MAGI2: variants seen among roughly 807,000 people sequenced by gnomAD.
MAGI2 encodes the protein membrane associated guanylate kinase, WW and PDZ domain containing 2.
In MAGI2, 35 loss-of-function variants were observed where a neutral mutation model predicts 133.3. That is an observed-to-expected ratio of 0.26 (90% CI 0.20 to 0.35). The LOEUF (loss-of-function observed/expected upper bound fraction) is 0.35, where lower values mean the gene tolerates loss of function less well. MAGI2 is among the 10% of genes least tolerant of loss of function. The probability of loss-of-function intolerance (pLI) is 1.00; values close to 1 mark genes in which losing one functional copy is unlikely to be tolerated. For missense variants in MAGI2, 1,636 were observed against 1,863.4 expected (o/e 0.88, Z 2.25); for synonymous variants, 729 against 710.6 (o/e 1.03, Z -0.41).
intron 2 of MAGI2, among the ~76,000 whole-genome samples, chr7:78,987,463 C>T (rs1274304157): frequency 6.6e-6 from 1 of 152,004 alleles, no homozygotes; most frequent in East Asian, 1.9e-4. Flanking sequence ...AATTATCTTA[C>T]TTTGAAGGTT....
At chr7:79,085,859 A>G (rs1210912899) in intron 1 of MAGI2, among the ~76,000 whole-genome samples, 1 of 151,898 alleles carries the variant, frequency 6.6e-6, no homozygotes, top group African/African-American at 2.4e-5. Flanking sequence ...CTTTTTGTAT[A>G]AACTGTGCAC....
chr7:78,790,112 C>T (rs34482345), intron 2 of MAGI2, among the ~76,000 whole-genome samples: 3,336 of 152,080 alleles, frequency 0.022, 47 homozygotes, highest in Non-Finnish European at 0.032. Flanking sequence ...AATATTTTCA[C>T]TTGTCCAATA....
intron 1 of MAGI2, among the ~76,000 whole-genome samples, chr7:79,400,573 C>T (rs1845397971): frequency 6.6e-6 from 1 of 152,104 alleles, no homozygotes; most frequent in Non-Finnish European, 1.5e-5. Flanking sequence ...ATGCAAACTG[C>T]AATGATTAAT....
chr7:79,444,376 C>T (rs1452754829), intron 1 of MAGI2, among the ~76,000 whole-genome samples: 1 of 152,096 alleles, frequency 6.6e-6, no homozygotes, highest in Non-Finnish European at 1.5e-5. Flanking sequence ...GTCAAATTGT[C>T]CCTGTTTGCA....
intron 1 of MAGI2, among the ~76,000 whole-genome samples, chr7:79,028,277 G>GTATGTA (rs1554336439): frequency 3.3e-4 from 10 of 30,144 alleles, no homozygotes; most frequent in African/African-American, 9.6e-4. Flanking sequence ...ATGTATGTAT[G>GTATGTA]TATATATATA....
chr7:78,692,566 G>T (rs1242392641), intron 2 of MAGI2, among the ~76,000 whole-genome samples: 1 of 152,070 alleles, frequency 6.6e-6, no homozygotes, highest in African/African-American at 2.4e-5. Context: ...GAGAAGTCAG[G>T]GTTCTGGTTA....
chr7:78,732,793 T>A (rs1333440991), intron 2 of MAGI2, among the ~76,000 whole-genome samples: 1 of 107,954 alleles, frequency 9.3e-6, no homozygotes, highest in Admixed American at 9.6e-5. Context: ...TATTTGTGGA[T>A]TTTTTGTATT....
intron 1 of MAGI2, among the ~76,000 whole-genome samples, chr7:79,226,807 A>T (rs1830900449): frequency 1.3e-5 from 2 of 152,170 alleles, no homozygotes; most frequent in Non-Finnish European, 2.9e-5. Flanking sequence ...TATCTTTAAA[A>T]GATTACTTGA....
At chr7:78,630,536 C>A (rs1393621804) in intron 2 of MAGI2, among the ~76,000 whole-genome samples, 1 of 150,638 alleles carries the variant, frequency 6.6e-6, no homozygotes, top group Non-Finnish European at 1.5e-5. Flanking sequence ...CCTGCCTCAG[C>A]CCCTTGAGTA....
intron 9 of MAGI2, among the ~76,000 whole-genome samples, chr7:78,321,350 C>T (rs1454369113): frequency 3.9e-5 from 6 of 152,244 alleles, no homozygotes; most frequent in African/African-American, 9.6e-5. Flanking sequence ...GGAGGAATCA[C>T]GCTACCTGAC....
intron 1 of MAGI2, among the ~76,000 whole-genome samples, chr7:79,180,882 T>A (rs931851270): frequency 1.3e-5 from 2 of 151,828 alleles, no homozygotes; most frequent in Non-Finnish European, 2.9e-5. Flanking sequence ...ACAAAAGGGG[T>A]ACAGGCCCCA....
chr7:78,283,285 A>C (rs1372062351), intron 9 of MAGI2, among the ~76,000 whole-genome samples: 5 of 152,202 alleles, frequency 3.3e-5, no homozygotes, highest in Non-Finnish European at 7.4e-5. Flanking sequence ...TCTTCAATAA[A>C]GAATTTCGGA....
At chr7:78,269,002 T>C (rs1794298166) in intron 9 of MAGI2, among the ~76,000 whole-genome samples, 2 of 152,202 alleles carry the variant, frequency 1.3e-5, no homozygotes. Flanking sequence ...GCTCTCATTG[T>C]TCACCTCACA....
intron 3 of MAGI2, among the ~76,000 whole-genome samples, chr7:78,555,194 A>T (rs879738272): frequency 3.1e-3 from 178 of 56,716 alleles, no homozygotes; most frequent in Non-Finnish European, 6.8e-3. Flanking sequence ...GGACGGTTGG[A>T]TGGATGGATA....
chr7:79,130,525 C>G (rs1045960558), intron 1 of MAGI2, among the ~76,000 whole-genome samples: 2 of 152,170 alleles, frequency 1.3e-5, no homozygotes, highest in African/African-American at 2.4e-5. Flanking sequence ...GCATTCACAT[C>G]ACATGCATCA....
intron 1 of MAGI2, among the ~76,000 whole-genome samples, chr7:79,326,673 T>TC (rs397890907): frequency 2.1e-5 from 3 of 144,582 alleles, no homozygotes; most frequent in South Asian, 4.4e-4. Context: ...TTTTTTTTTT[T>TC]CAGATACTAT....
At chr7:78,921,376 T>A (rs191999085) in intron 2 of MAGI2, among the ~76,000 whole-genome samples, 108 of 152,210 alleles carry the variant, frequency 7.1e-4, no homozygotes, top group South Asian at 1.5e-3. Flanking sequence ...GAAATGTAGA[T>A]TCCTAAGTTC....
chr7:78,075,041 C>T (rs1438724503), intron 21 of MAGI2, among the ~76,000 whole-genome samples: 4 of 152,170 alleles, frequency 2.6e-5, no homozygotes, highest in African/African-American at 4.8e-5. Context: ...AAGTGTGTCT[C>T]GCTGTATCTA....
chr7:79,136,068 G>A (rs10261838), intron 1 of MAGI2, among the ~76,000 whole-genome samples: 1,325 of 94,364 alleles, frequency 0.014, 67 homozygotes, highest in African/African-American at 0.051. Context: ...AAAGAAAGAA[G>A]GAAAGAAAGA....
Sources: allele counts gnomAD v4.1 joint callset (sites outside exome capture counted in the v4.1 genomes callset), GRCh38; gene constraint gnomAD v4.1.1; transcripts MANE v1.5; gene names NCBI Gene and HGNC (gene_info 2026-07-23, HGNC 2026-07-21).